The following SNTB2 variants were observed in gnomAD, a reference collection of about 807,000 sequenced individuals.
SNTB2 encodes beta-2-syntrophin.
SNTB2 carries 34 observed loss-of-function variants against 46.2 expected under a neutral mutation model. That is an observed-to-expected ratio of 0.74 (90% CI 0.56 to 0.98). The LOEUF is 0.98. SNTB2 is among the 50% of genes least tolerant of loss of function. The probability of loss-of-function intolerance (pLI) is 0.00; values close to 1 mark genes in which losing one functional copy is unlikely to be tolerated. For missense variants in SNTB2, 603 were observed against 731.4 expected, an observed-to-expected ratio of 0.82 and a Z score of 2.02; for synonymous variants, 290 against 312.6, an observed-to-expected ratio of 0.93 and a Z score of 0.76.
chr16:69,216,428 ATCCCAG>A (rs1045264320), intron 1 of SNTB2, among the ~76,000 whole-genome samples: 2 of 152,116 alleles, frequency 1.3e-5, no homozygotes, highest in Non-Finnish European at 2.9e-5. Flanking sequence ...CACGCCTATA[ATCCCAG>A]TACTTTGGGA....
intron 5 of SNTB2, among the ~76,000 whole-genome samples, chr16:69,292,406 ATTATATATATAT>A (rs1460018168): frequency 0.037 from 1,330 of 36,306 alleles, 197 homozygotes; most frequent in African/African-American, 0.041. Context: ...ATATATATAT[ATTATATATATAT>A]TATATATATA....
chr16:69,260,323 T>C (rs1428901604), intron 3 of SNTB2, 63 bp downstream of exon 3: 2 of 1,447,700 alleles, frequency 1.4e-6, no homozygotes, highest in Admixed American at 1.8e-5. Context: ...TGGTTCCTCA[T>C]TTAATATATC....
intron 1 of SNTB2, among the ~76,000 whole-genome samples, chr16:69,224,398 A>G (rs1410528313): frequency 6.6e-6 from 1 of 151,992 alleles, no homozygotes; most frequent in Non-Finnish European, 1.5e-5. Flanking sequence ...TCGTTAGTAG[A>G]GACGGGGTTT....
chr16:69,253,438 A>C lies in SNTB2; in HGVS notation c.795-6612A>C, dbSNP rs911385071. ...ACCGAGGCGGGTGGATCACGAGGTC[A>C]GGAGATCGAGACCATCCTGGTTAAC... On this transcript the variant is annotated intron_variant, in intron 2 of 6. Transcript: ENST00000336278. Among the ~76,000 whole-genome samples the C allele has an allele frequency of 2.6e-5, 4 of 151,716 alleles. No homozygotes were observed. The South Asian group carries it at 8.4e-4, about 32-fold the overall frequency.
intron 1 of SNTB2, among the ~76,000 whole-genome samples, chr16:69,235,337 C>T (rs981594788): frequency 6.6e-6 from 1 of 152,108 alleles, no homozygotes; most frequent in African/African-American, 2.4e-5. Context: ...CTTCCTGGGC[C>T]TAGAACTATC....
intron 5 of SNTB2, among the ~76,000 whole-genome samples, chr16:69,296,051 G>A (rs943908732): frequency 2.6e-4 from 40 of 152,048 alleles, no homozygotes; most frequent in Admixed American, 1.9e-3. Flanking sequence ...AGGCCGAGGC[G>A]GGTGGATCAC....
chr16:69,232,727 G>C (rs940363213), intron 1 of SNTB2, among the ~76,000 whole-genome samples: 4 of 151,508 alleles, frequency 2.6e-5, no homozygotes, highest in Admixed American at 1.3e-4. Flanking sequence ...GGCCAGGATG[G>C]TCTCGATTTC....
At chr16:69,280,020 G>A (rs1332610140) in intron 4 of SNTB2, among the ~76,000 whole-genome samples, 1 of 152,170 alleles carries the variant, frequency 6.6e-6, no homozygotes, top group Non-Finnish European at 1.5e-5. Flanking sequence ...CTTCCGCAGT[G>A]TTTGTGTCCC....
chr16:69,287,957 C>G (rs888012469), intron 5 of SNTB2, among the ~76,000 whole-genome samples: 3 of 151,578 alleles, frequency 2.0e-5, no homozygotes, highest in Non-Finnish European at 4.4e-5. Context: ...GGGCGGATCA[C>G]TTGAGCCCAG....
At chr16:69,211,069 TC>T (rs1029394517) in intron 1 of SNTB2, among the ~76,000 whole-genome samples, 3 of 152,086 alleles carry the variant, frequency 2.0e-5, no homozygotes, top group Non-Finnish European at 4.4e-5. Context: ...CCTCAAGCAT[TC>T]CTTTCACCTT....
At chr16:69,264,272 C>A (rs1964864522) in intron 3 of SNTB2, among the ~76,000 whole-genome samples, 1 of 152,186 alleles carries the variant, frequency 6.6e-6, no homozygotes, top group South Asian at 2.1e-4. Flanking sequence ...TCTCGCTCTT[C>A]TGGTCTCCTG....
At chr16:69,290,491 G>T (rs1234695634) in intron 5 of SNTB2, among the ~76,000 whole-genome samples, 1 of 152,068 alleles carries the variant, frequency 6.6e-6, no homozygotes, top group Admixed American at 6.6e-5. Context: ...AGAAAAACAG[G>T]CATTTACAAG....
At chr16:69,201,855 T>C (rs1286962001) in intron 1 of SNTB2, among the ~76,000 whole-genome samples, 1 of 152,180 alleles carries the variant, frequency 6.6e-6, no homozygotes, top group Non-Finnish European at 1.5e-5. Flanking sequence ...CTAAAATTGT[T>C]AATTGTCCTC....
chr16:69,268,311 A>G (rs1964905867), intron 3 of SNTB2, among the ~76,000 whole-genome samples: 3 of 152,096 alleles, frequency 2.0e-5, no homozygotes, highest in East Asian at 3.9e-4. Flanking sequence ...TAAAAATACA[A>G]AAATTAGCTG....
intron 1 of SNTB2, among the ~76,000 whole-genome samples, chr16:69,242,318 C>T (rs906089910): frequency 6.6e-6 from 1 of 152,042 alleles, no homozygotes; most frequent in Non-Finnish European, 1.5e-5. Flanking sequence ...TGCAGCTACT[C>T]AGGAGGCTGA....
intron 5 of SNTB2, 67 bp from the exon 6 acceptor site, chr16:69,299,523 A>G: frequency 6.8e-7 from 1 of 1,472,140 alleles, no homozygotes; most frequent in Non-Finnish European, 9.4e-7. Flanking sequence ...AAGTCAGAAG[A>G]TTCCCTTTTC....
intron 4 of SNTB2, 82 bp from the exon 5 acceptor site, chr16:69,283,966 C>A (rs1487813777): frequency 2.3e-6 from 3 of 1,293,566 alleles, no homozygotes; most frequent in Non-Finnish European, 3.2e-6. Flanking sequence ...TTATAAGTTT[C>A]TCTTATCAAT....
At chr16:69,245,450 C>G in intron 1 of SNTB2, 152 bp from the exon 2 acceptor site, 1 of 704,570 alleles carries the variant, frequency 1.4e-6, no homozygotes, top group South Asian at 1.7e-5. Context: ...CCGCCTCGGC[C>G]TCCCAAAGTG....
chr16:69,241,928 C>CAAAAAAAA (rs10604855), intron 1 of SNTB2: 1 of 63,264 alleles, frequency 1.6e-5, no homozygotes, highest in African/African-American at 5.8e-5. Flanking sequence ...GACCTTGTCT[C>CAAAAAAAA]AAAAAAAAAA....
Sources: gnomAD v4.1 joint callset for allele counts (sites outside exome capture counted in the v4.1 genomes callset) on GRCh38, gnomAD v4.1.1 for gene constraint, MANE v1.5 for transcripts, NCBI Gene and HGNC (gene_info 2026-07-23, HGNC 2026-07-21) for gene names.